Variants in ZNF550 observed in about 807,000 individuals in gnomAD.
The protein encoded by ZNF550 is zinc finger protein 550.
A neutral mutation model predicts 40.2 loss-of-function variants in ZNF550; 42 were observed. The ratio of observed to expected loss-of-function variants is 1.05; its 90% CI spans 0.82 to 1.35. The LOEUF is 1.35. ZNF550 is among the 40% of genes most tolerant of loss of function. The pLI, the probability that ZNF550 is intolerant of heterozygous loss-of-function variation, is 0.00. For missense variants in ZNF550, 549 were observed against 525.2 expected, an observed-to-expected ratio of 1.05 and a Z score of -0.44; for synonymous variants, 223 against 198.6, an observed-to-expected ratio of 1.12 and a Z score of -1.03.
chr19:57,544,881 G>A (rs1176963265), intron 4 of ZNF550, among the ~76,000 whole-genome samples: 6 of 152,140 alleles, frequency 3.9e-5, no homozygotes, highest in Non-Finnish European at 8.8e-5. Flanking sequence ...CAGCTTTTTG[G>A]CAGGCTGAGG....
At chr19:57,552,982 T>A in intron 2 of ZNF550, 1 of 400,852 alleles carries the variant, frequency 2.5e-6, no homozygotes, top group Non-Finnish European at 4.5e-6. Context: ...TAAAATTAAA[T>A]GAGGCCACAA....
chr19:57,559,359 G>C (rs1405158503), intron 1 of ZNF550, among the ~76,000 whole-genome samples: 2 of 152,304 alleles, frequency 1.3e-5, no homozygotes, highest in East Asian at 3.9e-4. Flanking sequence ...GCCCGAGAAA[G>C]GACATGGTTG....
At chr19:57,547,000 A>G in exon 4 of ZNF550, 1 of 1,612,702 alleles carries the variant, frequency 6.2e-7, no homozygotes, top group Non-Finnish European at 8.5e-7. Flanking sequence ...TTGGTGCTGC[A>G]GAAGGTGTGA....
chr19:57,558,015 G>A (rs574353826), intron 1 of ZNF550, among the ~76,000 whole-genome samples: 2 of 152,288 alleles, frequency 1.3e-5, no homozygotes, highest in Non-Finnish European at 2.9e-5. Flanking sequence ...GGTAAATGTC[G>A]TTATCACTTC....
exon 4 of ZNF550, chr19:57,546,570 T>C: frequency 1.0e-6 from 1 of 997,390 alleles, no homozygotes; most frequent in African/African-American, 1.7e-5. Flanking sequence ...TTTTCTCACA[T>C]CAATAACAAT....
chr19:57,542,434 A>G (rs1275835759), exon 5 of ZNF550: 1 of 151,782 alleles, frequency 6.6e-6, no homozygotes, highest in Non-Finnish European at 1.5e-5. Context: ...GATATATTTC[A>G]TAGCAGGAAA....
At chr19:57,548,986 TACTGGAA>T (rs1317872835) in intron 3 of ZNF550, among the ~76,000 whole-genome samples, 1 of 152,108 alleles carries the variant, frequency 6.6e-6, no homozygotes, top group East Asian at 1.9e-4. Context: ...GTAAGATGGT[TACTGGAA>T]ACTGGGAACG....
intron 2 of ZNF550, chr19:57,555,945 T>A (rs1002620155): frequency 2.5e-6 from 1 of 394,824 alleles, no homozygotes; most frequent in Non-Finnish European, 4.8e-6. Flanking sequence ...GGCCCCTGCT[T>A]AATAGGGCTG....
At chr19:57,556,919 G>A (rs974229622) in intron 1 of ZNF550, 1 of 153,074 alleles carries the variant, frequency 6.5e-6, no homozygotes, top group African/African-American at 2.4e-5. Flanking sequence ...ATGTGCCTTG[G>A]TAAACATGTG....
At chr19:57,552,457 T>C in intron 3 of ZNF550, 170 bp downstream of exon 3, 1 of 547,290 alleles carries the variant, frequency 1.8e-6, no homozygotes, top group South Asian at 2.8e-5. Context: ...AATAATTGTG[T>C]GGCTCAGTGC....
rs760900977 is a variant in ZNF550, at chr19:57,556,372, A to G, written c.28-15T>C. 17 of 1,610,434 alleles carry G rather than the reference A, an allele frequency of 1.1e-5. No individual in the cohort carries two copies. The South Asian group carries it at 1.9e-4, about 18-fold the overall frequency. ...GTCACCAACATCTGGAAAGTCAAACAGAAGTAATGCTATTGGCCTTGTGTT... is the reference window on the plus strand; with the variant it reads ...GTCACCAACATCTGGAAAGTCAAACGGAAGTAATGCTATTGGCCTTGTGTT... On this transcript the variant is annotated splice_polypyrimidine_tract_variant and intron_variant, in intron 1 of 4. Coordinates refer to ENST00000457177, the Ensembl canonical transcript of ZNF550.
At chr19:57,551,011 G>A (rs1007541685) in intron 3 of ZNF550, among the ~76,000 whole-genome samples, 4 of 152,152 alleles carry the variant, frequency 2.6e-5, no homozygotes, top group Admixed American at 2.0e-4. Flanking sequence ...TTCTGGTTTT[G>A]TATTGTGCAC....
intron 1 of ZNF550, chr19:57,557,326 T>G (rs2090131380): frequency 6.6e-6 from 1 of 152,050 alleles, no homozygotes; most frequent in African/African-American, 2.4e-5. Context: ...AATACTGCTC[T>G]TTACTGCACT....
At chr19:57,557,383 C>G (rs1016018264) in intron 1 of ZNF550, 1 of 152,030 alleles carries the variant, frequency 6.6e-6, no homozygotes, top group Non-Finnish European at 1.5e-5. Flanking sequence ...ACGTGCACAT[C>G]GAGGCACAGC....
chr19:57,556,942 A>G (rs2123370200), intron 1 of ZNF550: 1 of 153,016 alleles, frequency 6.5e-6, no homozygotes, highest in African/African-American at 2.4e-5. Context: ...TGCAGGCAGT[A>G]TGCTTGGTAA....
exon 5 of ZNF550, chr19:57,542,694 A>G (rs1464081045): frequency 6.6e-6 from 1 of 152,234 alleles, no homozygotes; most frequent in Non-Finnish European, 1.5e-5. Context: ...AAAACAACCC[A>G]GACACTTCTT....
At chr19:57,555,808 C>A in intron 2 of ZNF550, 1 of 225,826 alleles carries the variant, frequency 4.4e-6, no homozygotes, top group Non-Finnish European at 8.9e-6. Context: ...AATGACCATG[C>A]AGGCACCCAG....
chr19:57,560,015 C>T (rs1409815560), upstream of ZNF550, among the ~76,000 whole-genome samples: 1 of 152,188 alleles, frequency 6.6e-6, no homozygotes, highest in Admixed American at 6.5e-5. Context: ...ATGATCTTAG[C>T]GGAGCAAGTG....
intron 4 of ZNF550, chr19:57,543,737 A>C (rs1600170282): frequency 7.1e-6 from 4 of 559,714 alleles, no homozygotes; most frequent in Non-Finnish European, 9.1e-6. Context: ...AGAGTTCAAG[A>C]CCAGCCTGGC....
Sources: gnomAD v4.1 joint callset for allele counts (sites outside exome capture counted in the v4.1 genomes callset) on GRCh38, gnomAD v4.1.1 for gene constraint, MANE v1.5 for transcripts, NCBI Gene and HGNC (gene_info 2026-07-23, HGNC 2026-07-21) for gene names.